NLN: variants seen among roughly 807,000 people sequenced by gnomAD.
The protein encoded by NLN is neurolysin, mitochondrial.
Under a neutral mutation model 79.9 loss-of-function variants are expected in NLN, and 64 were observed. The ratio of observed to expected loss-of-function variants is 0.80; its 90% CI spans 0.65 to 0.99. NLN has a LOEUF of 0.99. Ranked by LOEUF, NLN falls within the 50% of genes least tolerant of loss-of-function variation. The pLI, the probability that NLN is intolerant of heterozygous loss-of-function variation, is 0.00. For synonymous variants in NLN, 267 were observed against 296.6 expected, an observed-to-expected ratio of 0.90 and a Z score of 1.02; for missense variants, 835 against 858.7, an observed-to-expected ratio of 0.97 and a Z score of 0.34.
intron 1 of NLN, among the ~76,000 whole-genome samples, chr5:65,725,978 G>A (rs1236104728): frequency 6.6e-6 from 1 of 152,158 alleles, no homozygotes; most frequent in African/African-American, 2.4e-5. Flanking sequence ...CGGGCGTGGT[G>A]GCGGGCGCCT....
Position 65,824,512 on chromosome 5 carries a change from C to G in NLN, c.*1597C>G, listed in dbSNP as rs1760875240. ...GGTCTTTGTAGCCTATAGTAGTTTT[C>G]TCACATCTTTCCCCCTAGACTTTTC... On this transcript the variant is annotated 3_prime_UTR_variant, in exon 13 of 13. Coordinates refer to ENST00000380985, the MANE Select transcript of NLN (RefSeq NM_020726.5). The G allele has an allele frequency of 6.6e-6, 1 of 152,180 alleles. No homozygotes were observed. Among genetic ancestry groups the G allele is most frequent in the South Asian group, 2.1e-4 (1 of 4,822 alleles). 9.4% of individuals were successfully genotyped at this position (152,180 alleles called of 1,614,324 possible). A position where few individuals can be genotyped will look rare whatever the true frequency, so the allele number is the denominator to read the frequency against.
intron 1 of NLN, among the ~76,000 whole-genome samples, chr5:65,751,933 T>G (rs1329950987): frequency 6.6e-6 from 1 of 152,142 alleles, no homozygotes; most frequent in Non-Finnish European, 1.5e-5. Context: ...CTGTATTATT[T>G]CTTGGTTAGA....
At chr5:65,789,277 A>C (rs1463739665) in intron 8 of NLN, among the ~76,000 whole-genome samples, 1 of 152,190 alleles carries the variant, frequency 6.6e-6, no homozygotes, top group Non-Finnish European at 1.5e-5. Context: ...TCTGTGCCCC[A>C]GTTTTCTTAC....
chr5:65,828,797 G>A lies in NLN; in HGVS notation c.*5882G>A, dbSNP rs1029649822. 4 of 152,080 alleles carry A rather than the reference G, an allele frequency of 2.6e-5. No homozygotes were observed. Among genetic ancestry groups the A allele is most frequent in the African/African-American group, 7.2e-5 (3 of 41,400 alleles). The allele number at this position is 152,080 out of a possible 1,614,324, so 9.4% of individuals were successfully genotyped here. On this transcript the variant is annotated 3_prime_UTR_variant, in exon 13 of 13. Coordinates refer to ENST00000380985, the MANE Select transcript of NLN (RefSeq NM_020726.5). Reference sequence around the variant, plus strand: ...ATGCGATAATGATAAGATGATCATCGGGAAAACATCCCTCAGATGAAACGT... The same window carrying A: ...ATGCGATAATGATAAGATGATCATCAGGAAAACATCCCTCAGATGAAACGT...
At chr5:65,803,299 G>A (rs973526856) in intron 9 of NLN, among the ~76,000 whole-genome samples, 1 of 152,162 alleles carries the variant, frequency 6.6e-6, no homozygotes, top group Non-Finnish European at 1.5e-5. Context: ...TTCATGCAGA[G>A]GGGCACCTGC....
chr5:65,759,602 G>A (rs989348730), intron 2 of NLN, among the ~76,000 whole-genome samples: 8 of 152,144 alleles, frequency 5.3e-5, no homozygotes, highest in African/African-American at 1.9e-4. Context: ...CAGTAGCCTA[G>A]AGGCCCAGAA....
At chr5:65,770,214 A>G (rs1054784547) in intron 3 of NLN, among the ~76,000 whole-genome samples, 3 of 152,246 alleles carry the variant, frequency 2.0e-5, no homozygotes, top group African/African-American at 7.2e-5. Context: ...GACTATGTTA[A>G]TATAACTTCT....
intron 11 of NLN, 55 bp downstream of exon 11, chr5:65,810,220 C>T (rs1344229109): frequency 1.3e-6 from 2 of 1,504,040 alleles, no homozygotes; most frequent in South Asian, 1.1e-5. Flanking sequence ...GGGCGTTCTC[C>T]TAACACTGCA....
chr5:65,791,580 C>T (rs1201406562), intron 8 of NLN, among the ~76,000 whole-genome samples: 2 of 151,936 alleles, frequency 1.3e-5, no homozygotes, highest in African/African-American at 4.8e-5. Flanking sequence ...CAAAATTAAC[C>T]AGCGTGGTGT....
chr5:65,750,227 G>C (rs1759074510), intron 1 of NLN, among the ~76,000 whole-genome samples: 1 of 152,154 alleles, frequency 6.6e-6, no homozygotes, highest in Non-Finnish European at 1.5e-5. Context: ...TGTCTAGTGT[G>C]GTACCCACTT....
intron 1 of NLN, among the ~76,000 whole-genome samples, chr5:65,739,057 T>TATATAATATATATATAAAATATATA (rs1360571787): frequency 7.0e-6 from 1 of 143,726 alleles, no homozygotes; most frequent in Non-Finnish European, 1.5e-5. Flanking sequence ...TATATATAAA[T>TATATAATATATATATAAAATATATA]TAGCCTGGCT....
chr5:65,814,122 C>A (rs1239944472), intron 12 of NLN, among the ~76,000 whole-genome samples: 3 of 152,156 alleles, frequency 2.0e-5, no homozygotes, highest in Non-Finnish European at 4.4e-5. Flanking sequence ...CTACTCTGTT[C>A]TTTTCACAGC....
intron 3 of NLN, among the ~76,000 whole-genome samples, chr5:65,769,897 T>C (rs1365970131): frequency 6.6e-6 from 1 of 152,174 alleles, no homozygotes; most frequent in East Asian, 1.9e-4. Flanking sequence ...GCAGAGTGCC[T>C]GATAAAAAGC....
At chr5:65,722,628 C>A (rs897820800) in intron 1 of NLN, 7 of 532,632 alleles carry the variant, frequency 1.3e-5, no homozygotes, top group African/African-American at 2.0e-5. Context: ...GGAGGACGTC[C>A]ATTCCTCTTT....
chr5:65,812,467 T>G, intron 12 of NLN, 76 bp downstream of exon 12: 1 of 1,016,912 alleles, frequency 9.8e-7, no homozygotes, highest in Non-Finnish European at 1.5e-6. Context: ...AAAATATTGG[T>G]CACATCTAGA....
intron 9 of NLN, among the ~76,000 whole-genome samples, chr5:65,807,931 G>A (rs1348397712): frequency 6.6e-6 from 1 of 152,130 alleles, no homozygotes; most frequent in Non-Finnish European, 1.5e-5. Context: ...GCCTAACATA[G>A]GAAAGTCTCA....
chr5:65,746,165 G>A (rs912569952), intron 1 of NLN, among the ~76,000 whole-genome samples: 1 of 152,034 alleles, frequency 6.6e-6, no homozygotes, highest in South Asian at 2.1e-4. Flanking sequence ...AAGAAAAGAG[G>A]CCATAGAACT....
At chr5:65,818,261 A>G (rs1336282884) in intron 12 of NLN, among the ~76,000 whole-genome samples, 1 of 152,192 alleles carries the variant, frequency 6.6e-6, no homozygotes, top group Non-Finnish European at 1.5e-5. Flanking sequence ...AGACTCGTGT[A>G]AAAGGAACTA....
chr5:65,784,992 T>C (rs1759886115), intron 6 of NLN, among the ~76,000 whole-genome samples: 1 of 152,242 alleles, frequency 6.6e-6, no homozygotes, highest in Non-Finnish European at 1.5e-5. Context: ...TGTTGTAGCA[T>C]GTGTCAGAAT....
Sources: allele counts gnomAD v4.1 joint callset (sites outside exome capture counted in the v4.1 genomes callset), GRCh38; gene constraint gnomAD v4.1.1; transcripts MANE v1.5; gene names NCBI Gene and HGNC (gene_info 2026-07-23, HGNC 2026-07-21).